Variants in STXBP4 observed in about 807,000 individuals in gnomAD.
STXBP4 encodes the protein syntaxin binding protein 4.
Under a neutral mutation model 76.1 loss-of-function variants are expected in STXBP4, and 55 were observed. The ratio of observed to expected loss-of-function variants is 0.72; its 90% confidence interval spans 0.58 to 0.91. STXBP4 has a LOEUF of 0.91. STXBP4 is among the 40% of genes least tolerant of loss of function. The pLI, the probability that STXBP4 is intolerant of heterozygous loss-of-function variation, is 0.00. For missense variants in STXBP4, 618 were observed against 636.9 expected (o/e 0.97, Z 0.32); for synonymous variants, 201 against 220.2 (o/e 0.91, Z 0.77).
chr17:55,112,710 T>A (rs1437116570), intron 16 of STXBP4, among the ~76,000 whole-genome samples: 1 of 152,146 alleles, frequency 6.6e-6, no homozygotes, highest in Non-Finnish European at 1.5e-5. Flanking sequence ...GGATTCTTCA[T>A]GTAGTCTTGA....
chr17:55,009,326 C>A (rs2078064068), intron 8 of STXBP4, among the ~76,000 whole-genome samples: 1 of 152,102 alleles, frequency 6.6e-6, no homozygotes, highest in Non-Finnish European at 1.5e-5. Flanking sequence ...AATTACATAT[C>A]TAAAAATGAA....
chr17:55,187,150 C>T, the STXBP4 span, among the ~76,000 whole-genome samples: 1 of 152,172 alleles, frequency 6.6e-6, no homozygotes, highest in Non-Finnish European at 1.5e-5. Context: ...TTAATGCACA[C>T]TGACTGGTAT....
intron 3 of STXBP4, among the ~76,000 whole-genome samples, chr17:54,989,327 C>T (rs1598163081): frequency 6.6e-6 from 1 of 152,284 alleles, no homozygotes; most frequent in South Asian, 2.1e-4. Context: ...GATCTCCTGA[C>T]CTCGTGATCC....
the STXBP4 span, among the ~76,000 whole-genome samples, chr17:55,200,830 A>C: frequency 1.3e-5 from 2 of 152,238 alleles, no homozygotes; most frequent in Non-Finnish European, 2.9e-5. Context: ...TATTTTTAAC[A>C]ATTAACAAAC....
chr17:55,102,572 T>C (rs930208759), intron 16 of STXBP4, among the ~76,000 whole-genome samples: 1 of 152,224 alleles, frequency 6.6e-6, no homozygotes, highest in African/African-American at 2.4e-5. Flanking sequence ...TTGTGAACAG[T>C]GCTGCAGTAA....
chr17:54,996,032 A>T (rs950731217), intron 4 of STXBP4, among the ~76,000 whole-genome samples: 1 of 151,918 alleles, frequency 6.6e-6, no homozygotes, highest in African/African-American at 2.4e-5. Flanking sequence ...GTATATTCTA[A>T]TGTGAGGGCA....
chr17:54,992,705 CTT>C (rs760386476), intron 4 of STXBP4, among the ~76,000 whole-genome samples: 19 of 96,832 alleles, frequency 2.0e-4, no homozygotes, highest in African/African-American at 6.3e-4. Flanking sequence ...AATTTGCTTC[CTT>C]TTTTTTTTTT....
intron 16 of STXBP4, among the ~76,000 whole-genome samples, chr17:55,115,745 A>G (rs944610380): frequency 6.6e-6 from 1 of 151,904 alleles, no homozygotes; most frequent in Non-Finnish European, 1.5e-5. Flanking sequence ...CCAGTAATGA[A>G]TCTGAAACTT....
intron 11 of STXBP4, chr17:55,044,432 C>T (rs1022991240): frequency 1.1e-4 from 17 of 151,720 alleles, no homozygotes; most frequent in African/African-American, 4.1e-4. Context: ...TAATCTCAAC[C>T]TCTAGAGGAA....
chr17:55,131,673 G>T lies in STXBP4; in HGVS notation c.1490-9637G>T, dbSNP rs141922621. 3.8e-3 allele frequency among the ~76,000 whole-genome samples: 579 copies of T among 152,282 alleles called. 7 individuals carry two copies. The highest frequency in any genetic ancestry group is 0.026 in the South Asian group (125 of 4,824). ...CTGAATAGAACAGAAAAGAGAAGGTGCATTTTTTTCCCAATAGTTCCATTA... is the reference window on the plus strand; with the variant it reads ...CTGAATAGAACAGAAAAGAGAAGGTTCATTTTTTTCCCAATAGTTCCATTA... On this transcript the variant is annotated intron_variant, in intron 16 of 17. Coordinates refer to ENST00000376352, the MANE Select transcript of STXBP4 (RefSeq NM_178509.6).
chr17:54,986,174 T>C lies in STXBP4; in HGVS notation c.-46T>C, dbSNP rs770976645. On this transcript the variant is annotated 5_prime_UTR_variant, in exon 3 of 18. Coordinates refer to ENST00000376352, the MANE Select transcript of STXBP4 (RefSeq NM_178509.6). ...AGAATTTCTAGACTCTTCATCAAGA[T>C]CTTCATTTATACAGCTGTTAAATCC... is the stretch of plus-strand genomic sequence containing the variant. The C allele has an allele frequency of 6.7e-7, 1 of 1,493,316 alleles. No individual in the cohort carries two copies. Among genetic ancestry groups the C allele is most frequent in the Non-Finnish European group, 9.2e-7 (1 of 1,084,772 alleles). The allele number at this position is 1,493,316 out of a possible 1,614,324, so 92.5% of individuals were successfully genotyped here. A position where few individuals can be genotyped will look rare whatever the true frequency, so the allele number is the denominator to read the frequency against.
chr17:54,982,220 GGTTTT>G (rs1567870332), intron 1 of STXBP4, among the ~76,000 whole-genome samples: 1 of 151,956 alleles, frequency 6.6e-6, no homozygotes, highest in Non-Finnish European at 1.5e-5. Flanking sequence ...GAAAAGAACT[GGTTTT>G]ATTGAATACC....
intron 16 of STXBP4, among the ~76,000 whole-genome samples, chr17:55,126,900 AGAT>A (rs2079918917): frequency 6.6e-6 from 1 of 152,240 alleles, no homozygotes; most frequent in Non-Finnish European, 1.5e-5. Flanking sequence ...GATGAAAGGA[AGAT>A]TGCAGCCATT....
chr17:55,155,160 A>G (rs927446853), intron 17 of STXBP4, among the ~76,000 whole-genome samples: 5 of 152,108 alleles, frequency 3.3e-5, no homozygotes, highest in Admixed American at 6.5e-5. Flanking sequence ...AATGCCTGCA[A>G]TTTTCTCTTA....
At chr17:55,093,104 C>T (rs1158078034) in intron 16 of STXBP4, among the ~76,000 whole-genome samples, 1 of 152,058 alleles carries the variant, frequency 6.6e-6, no homozygotes, top group African/African-American at 2.4e-5. Flanking sequence ...AAGCGATTCT[C>T]GTGCCTCAGC....
At chr17:54,985,926 A>G (rs926777333) in intron 2 of STXBP4, among the ~76,000 whole-genome samples, 2 of 152,238 alleles carry the variant, frequency 1.3e-5, no homozygotes, top group Non-Finnish European at 2.9e-5. Flanking sequence ...TGATATAGAC[A>G]TAGACTTATC....
chr17:55,185,780 T>C, the STXBP4 span, among the ~76,000 whole-genome samples: 6 of 152,176 alleles, frequency 3.9e-5, no homozygotes, highest in Non-Finnish European at 7.3e-5. Flanking sequence ...ACTCAGGGCA[T>C]GGAGGCTTCC....
At chr17:55,196,646 G>A in the STXBP4 span, among the ~76,000 whole-genome samples, 1 of 152,176 alleles carries the variant, frequency 6.6e-6, no homozygotes, top group Non-Finnish European at 1.5e-5. Flanking sequence ...CCCACAACTA[G>A]ACTGTGGGCT....
intron 1 of STXBP4, among the ~76,000 whole-genome samples, chr17:54,983,245 C>T (rs2077575381): frequency 6.6e-6 from 1 of 152,128 alleles, no homozygotes. Flanking sequence ...AGGACACTGC[C>T]AGCATGTTAA....
Sources: allele counts gnomAD v4.1 joint callset (sites outside exome capture counted in the v4.1 genomes callset), GRCh38; gene constraint gnomAD v4.1.1; transcripts MANE v1.5; gene names NCBI Gene and HGNC (gene_info 2026-07-23, HGNC 2026-07-21).